GTF2A1L: variants seen among roughly 807,000 people sequenced by gnomAD.
GTF2A1L encodes general transcription factor IIA subunit 1 like, also known as TFIIA-alpha and beta-like factor.
A neutral mutation model predicts 49.7 loss-of-function variants in GTF2A1L; 48 were observed. That is an observed-to-expected ratio of 0.97 (90% CI 0.77 to 1.23). The LOEUF is 1.23. Ranked by LOEUF, GTF2A1L falls within the 50% of genes most tolerant of loss-of-function variation. The pLI is 0.00. For synonymous variants in GTF2A1L, 246 were observed against 193.5 expected (o/e 1.27, Z -2.25); for missense variants, 736 against 564.8 (o/e 1.30, Z -3.07).
At position 48,617,871 on chromosome 2, in the gene GTF2A1L, T is replaced by A. The variant is rs775059352; in HGVS notation, c.-4T>A. 3.2e-6 allele frequency: 5 copies of A among 1,551,712 alleles called. No individual in the cohort carries two copies. The highest frequency in any genetic ancestry group is 4.4e-6 in the Non-Finnish European group (5 of 1,147,046). On this transcript the variant is annotated 5_prime_UTR_variant, in exon 1 of 9. Coordinates refer to ENST00000403751, the MANE Select transcript of GTF2A1L (RefSeq NM_006872.5). ...GCAAAGGGCCAGGTGCTGGAGGTGC[T>A]GTCATGGCCTGCCTCAACCCGGTGG... is the stretch of plus-strand genomic sequence containing the variant.
intron 3 of GTF2A1L, among the ~76,000 whole-genome samples, chr2:48,630,096 C>T (rs951516649): frequency 6.9e-6 from 1 of 144,260 alleles, no homozygotes; most frequent in Non-Finnish European, 1.6e-5. Context: ...TTTGGCTGTT[C>T]AGGCTCCTTG....
At chr2:48,676,353 A>C (rs1432440358) in intron 8 of GTF2A1L, among the ~76,000 whole-genome samples, 2 of 151,584 alleles carry the variant, frequency 1.3e-5, no homozygotes, top group African/African-American at 2.4e-5. Flanking sequence ...TATATCTATT[A>C]AATCCCCAGA....
At chr2:48,652,380 C>T (rs12992918) in intron 6 of GTF2A1L, among the ~76,000 whole-genome samples, 25,937 of 151,874 alleles carry the variant, frequency 0.17, 2,553 homozygotes, top group South Asian at 0.24. Context: ...CTTTGGGAGG[C>T]CAAAGCGGAT....
intron 6 of GTF2A1L, among the ~76,000 whole-genome samples, chr2:48,657,845 C>G (rs1558753060): frequency 1.3e-5 from 2 of 151,572 alleles, no homozygotes; most frequent in Non-Finnish European, 2.9e-5. Context: ...TTGTATTTCT[C>G]TGATGATTAG....
chr2:48,678,984 T>C (rs1157994452), intron 8 of GTF2A1L, among the ~76,000 whole-genome samples: 2 of 152,064 alleles, frequency 1.3e-5, no homozygotes, highest in African/African-American at 4.8e-5. Context: ...CAGCTTAATA[T>C]TCTACATAAT....
rs1462774674 is a variant in GTF2A1L, at chr2:48,667,228, G to T, written c.979-2494G>T. Among the ~76,000 whole-genome samples the T allele has an allele frequency of 2.6e-5, 4 of 151,908 alleles. No homozygotes were observed. The East Asian group carries it at 7.7e-4, about 29-fold the overall frequency. On this transcript the variant is annotated intron_variant, in intron 6 of 8. Transcript: ENST00000403751. ...CCAGCTTCAGTGTCCCAAAGTGCTG[G>T]GATTACAGGCATGAGTGGCCATGCC...
chr2:48,619,197 G>T (rs892324677), intron 1 of GTF2A1L, among the ~76,000 whole-genome samples: 3 of 152,078 alleles, frequency 2.0e-5, no homozygotes, highest in Admixed American at 1.3e-4. Flanking sequence ...GGCTGGGCAC[G>T]GTGGCTTACA....
At chr2:48,675,864 T>C (rs1679441345) in intron 8 of GTF2A1L, among the ~76,000 whole-genome samples, 3 of 151,606 alleles carry the variant, frequency 2.0e-5, no homozygotes, top group African/African-American at 7.3e-5. Context: ...TATAGTCTCT[T>C]TATATGTATC....
rs190879552 is a variant in GTF2A1L at position 48,649,405 on chromosome 2, A to G, written c.978+2363A>G. Among the ~76,000 whole-genome samples the G allele has an allele frequency of 5.9e-5, 9 of 152,284 alleles. No homozygotes were observed. In the East Asian group the frequency reaches 1.7e-3, roughly 29 times the overall value. On this transcript the variant is annotated intron_variant, in intron 6 of 8. Transcript: ENST00000403751. Reference sequence around the variant, plus strand: ...TGGGATAATTTTATCTAACTAATTTATCAGTGTGTAGTCTCTTCTACCTCT... The same window carrying G: ...TGGGATAATTTTATCTAACTAATTTGTCAGTGTGTAGTCTCTTCTACCTCT...
At chr2:48,656,997 G>A (rs1037937815) in intron 6 of GTF2A1L, among the ~76,000 whole-genome samples, 3 of 152,272 alleles carry the variant, frequency 2.0e-5, no homozygotes, top group Non-Finnish European at 2.9e-5. Context: ...GAAAATTGAC[G>A]TTTTATGTAA....
In GTF2A1L at chr2:48,651,115, A is replaced by G. The variant is rs74920693; in HGVS notation, c.978+4073A>G. On this transcript the variant is annotated intron_variant, in intron 6 of 8. Coordinates refer to ENST00000403751, the MANE Select transcript of GTF2A1L (RefSeq NM_006872.5). ...CATGAAGCATCCTATTTACTTGCTT[A>G]TTGTACTACCCAGTCACAGAAGCCA... Among the ~76,000 whole-genome samples, 218 of 152,216 alleles carry G rather than the reference A, an allele frequency of 1.4e-3. 5 individuals are homozygous for G. The East Asian group carries it at 0.038, about 27-fold the overall frequency.
At chr2:48,634,204 C>T (rs35422158) in intron 3 of GTF2A1L, among the ~76,000 whole-genome samples, 26,251 of 152,084 alleles carry the variant, frequency 0.17, 2,591 homozygotes, top group South Asian at 0.25. Flanking sequence ...CCTTCGTCTC[C>T]GGGTTCAAGA....
intron 8 of GTF2A1L, among the ~76,000 whole-genome samples, chr2:48,678,935 A>AAGGATTCGATG: frequency 6.6e-6 from 1 of 151,730 alleles, no homozygotes; most frequent in African/African-American, 2.4e-5. Context: ...TTTACTCCTT[A>AAGGATTCGATG]CCTTCTTCAA....
chr2:48,659,641 C>G (rs1678377970), intron 6 of GTF2A1L, among the ~76,000 whole-genome samples: 1 of 151,894 alleles, frequency 6.6e-6, no homozygotes, highest in South Asian at 2.1e-4. Context: ...TCTTTATTTT[C>G]TTTCAGCAAT....
chr2:48,635,648 G>A (rs1364454331), intron 3 of GTF2A1L, among the ~76,000 whole-genome samples: 3 of 151,988 alleles, frequency 2.0e-5, no homozygotes, highest in African/African-American at 7.3e-5. Context: ...TACTTCTGAG[G>A]TGCTTTCCAC....
chr2:48,679,497 A>G lies in GTF2A1L; in HGVS notation c.*55A>G, dbSNP rs1175547443. The stretch of plus-strand genomic sequence containing the variant: ...GAACATCAGTTGGATTATATTGCAT[A>G]TTGTGAATTCATTTTTATTTTGAAT... On this transcript the variant is annotated 3_prime_UTR_variant, in exon 9 of 9. Coordinates refer to ENST00000403751, the MANE Select transcript of GTF2A1L (RefSeq NM_006872.5). 1.3e-6 allele frequency: 2 copies of G among 1,593,352 alleles called. No individual in the cohort carries two copies. Among genetic ancestry groups the G allele is most frequent in the African/African-American group, 2.7e-5 (2 of 73,712 alleles).
At chr2:48,668,094 G>T (rs1276690327) in intron 6 of GTF2A1L, among the ~76,000 whole-genome samples, 9 of 152,016 alleles carry the variant, frequency 5.9e-5, no homozygotes, top group Non-Finnish European at 1.2e-4. Context: ...TTTACTGTCT[G>T]TTTTTATGAA....
chr2:48,668,050 C>T (rs1244896674), intron 6 of GTF2A1L, among the ~76,000 whole-genome samples: 1 of 152,202 alleles, frequency 6.6e-6, no homozygotes, highest in African/African-American at 2.4e-5. Flanking sequence ...TATCACTCTT[C>T]ATTCCCCTCT....
intron 6 of GTF2A1L, among the ~76,000 whole-genome samples, chr2:48,662,534 G>C (rs575143302): frequency 6.6e-6 from 1 of 152,066 alleles, no homozygotes; most frequent in South Asian, 2.1e-4. Context: ...TATTCAAGGG[G>C]ATCCATGGCA....
Sources: gnomAD v4.1 joint callset for allele counts (sites outside exome capture counted in the v4.1 genomes callset) on GRCh38, gnomAD v4.1.1 for gene constraint, MANE v1.5 for transcripts, NCBI Gene and HGNC (gene_info 2026-07-23, HGNC 2026-07-21) for gene names.